DPF3: variants seen among roughly 807,000 people sequenced by gnomAD.
The protein encoded by DPF3 is double PHD fingers 3.
Under a neutral mutation model 56.8 loss-of-function variants are expected in DPF3, and 18 were observed. The observed-to-expected ratio is 0.32, with a 90% confidence interval of 0.22 to 0.47. DPF3 has a LOEUF of 0.47. DPF3 is among the 20% of genes least tolerant of loss of function. DPF3 has a pLI of 1.00. For missense variants in DPF3, 403 were observed against 488.8 expected (o/e 0.82, Z 1.65); for synonymous variants, 188 against 180.2 (o/e 1.04, Z -0.35).
At chr14:72,893,994 G>T in intron 1 of DPF3, 63 bp downstream of exon 1, 3 of 1,599,396 alleles carry the variant, frequency 1.9e-6, no homozygotes, top group Non-Finnish European at 2.6e-6. Context: ...TCGCCACGCA[G>T]AAGGCGCCTT....
intron 1 of DPF3, among the ~76,000 whole-genome samples, chr14:72,885,105 G>A (rs1322709261): frequency 1.4e-5 from 2 of 144,286 alleles, no homozygotes; most frequent in South Asian, 2.2e-4. Flanking sequence ...CAGCCTGGGC[G>A]ACAGAGCGAG....
At chr14:72,760,334 G>A (rs746145860) in intron 2 of DPF3, among the ~76,000 whole-genome samples, 1 of 152,126 alleles carries the variant, frequency 6.6e-6, no homozygotes, top group African/African-American at 2.4e-5. Flanking sequence ...AGCCAGGCAT[G>A]GTGGCGCATG....
intron 6 of DPF3, among the ~76,000 whole-genome samples, chr14:72,713,802 G>A (rs1421654321): frequency 1.3e-5 from 2 of 152,140 alleles, no homozygotes; most frequent in Non-Finnish European, 2.9e-5. Context: ...CTCCCCTCCC[G>A]TGGGCTCCCT....
chr14:72,665,453 G>C (rs1305867945), intron 8 of DPF3, among the ~76,000 whole-genome samples: 1 of 152,206 alleles, frequency 6.6e-6, no homozygotes, highest in African/African-American at 2.4e-5. Flanking sequence ...TGAGTCACCA[G>C]TAATGGGGTA....
At chr14:72,726,961 G>C (rs1039188068) in intron 4 of DPF3, among the ~76,000 whole-genome samples, 8 of 152,056 alleles carry the variant, frequency 5.3e-5, no homozygotes, top group Non-Finnish European at 1.0e-4. Flanking sequence ...TCTCCATGCA[G>C]CAGGCAACAG....
At chr14:72,845,247 G>A (rs554953925) in intron 1 of DPF3, among the ~76,000 whole-genome samples, 1 of 152,258 alleles carries the variant, frequency 6.6e-6, no homozygotes, top group South Asian at 2.1e-4. Context: ...GCCCCAGTTA[G>A]GAAACCATGA....
intron 3 of DPF3, among the ~76,000 whole-genome samples, chr14:72,741,279 A>G (rs1011096297): frequency 2.6e-4 from 40 of 152,306 alleles, no homozygotes; most frequent in Non-Finnish European, 5.3e-4. Flanking sequence ...CACGCCTCTC[A>G]GAATAACCCC....
chr14:72,781,610 C>G (rs1457095077), intron 1 of DPF3, among the ~76,000 whole-genome samples: 1 of 151,832 alleles, frequency 6.6e-6, no homozygotes, highest in African/African-American at 2.4e-5. Flanking sequence ...ACTGGGTGTT[C>G]TGATGACATA....
At chr14:72,662,952 A>C in intron 8 of DPF3, 1 of 671,298 alleles carries the variant, frequency 1.5e-6, no homozygotes, top group African/African-American at 2.0e-5. Flanking sequence ...AAAAAAAAAG[A>C]AGAAGAAAGA....
At chr14:72,842,218 A>G (rs1448874649) in intron 1 of DPF3, among the ~76,000 whole-genome samples, 1 of 152,068 alleles carries the variant, frequency 6.6e-6, no homozygotes, top group Non-Finnish European at 1.5e-5. Flanking sequence ...CGCCTGCCCC[A>G]TGACCCAGTA....
intron 9 of DPF3, among the ~76,000 whole-genome samples, chr14:72,623,809 G>T (rs1325202512): frequency 6.6e-6 from 1 of 152,158 alleles, no homozygotes; most frequent in South Asian, 2.1e-4. Context: ...AGCACCTCTA[G>T]CACCCATATT....
At chr14:72,815,368 T>C (rs951085172) in intron 1 of DPF3, among the ~76,000 whole-genome samples, 4 of 152,250 alleles carry the variant, frequency 2.6e-5, no homozygotes, top group Non-Finnish European at 4.4e-5. Context: ...TAACTACGAC[T>C]CTTACACACT....
At chr14:72,647,498 T>G (rs1885761562) in intron 8 of DPF3, among the ~76,000 whole-genome samples, 2 of 152,170 alleles carry the variant, frequency 1.3e-5, no homozygotes, top group South Asian at 4.1e-4. Context: ...ATATACTCTC[T>G]CCCCAAGATA....
At chr14:72,660,409 C>A (rs151300057) in intron 8 of DPF3, among the ~76,000 whole-genome samples, 301 of 152,282 alleles carry the variant, frequency 2.0e-3, no homozygotes, top group African/African-American at 7.1e-3. Context: ...CCACTGGGGG[C>A]CAGCAATGCT....
intron 2 of DPF3, among the ~76,000 whole-genome samples, chr14:72,755,415 G>T (rs1267116538): frequency 6.6e-6 from 1 of 152,102 alleles, no homozygotes; most frequent in Non-Finnish European, 1.5e-5. Flanking sequence ...GGCTGTTTTT[G>T]TTCCATTCTT....
Position 72,838,905 on chromosome 14 carries a change from A to ATATATATATATATATATTTT in DPF3, c.32+55151_32+55152insAAAATATATATATATATATA. ...ATCTATCATATATATTATCATATAT[A>ATATATATATATATATATTTT]TTCTTTTTTTTTTTTTTTTTTTTTT... is the stretch of plus-strand genomic sequence containing the variant. On this transcript the variant is annotated intron_variant, in intron 1 of 10. Coordinates refer to ENST00000556509, the MANE Select transcript of DPF3 (RefSeq NM_001280542.3). Among the ~76,000 whole-genome samples the ATATATATATATATATATTTT allele has an allele frequency of 3.1e-5, 2 of 64,480 alleles. 1 individual carries two copies. Among genetic ancestry groups the ATATATATATATATATATTTT allele is most frequent in the East Asian group, 2.4e-3 (2 of 822 alleles). The allele number at this position is 64,480 out of a possible 152,430, so 42.3% of individuals were successfully genotyped here. A position where few individuals can be genotyped will look rare whatever the true frequency, so the allele number is the denominator to read the frequency against.
chr14:72,755,004 C>T (rs1890732694), intron 2 of DPF3, among the ~76,000 whole-genome samples: 1 of 152,208 alleles, frequency 6.6e-6, no homozygotes, highest in Admixed American at 6.5e-5. Flanking sequence ...TTCCTGGCTC[C>T]AGGGGACTCA....
intron 1 of DPF3, among the ~76,000 whole-genome samples, chr14:72,858,394 CAG>C (rs78287789): frequency 0.23 from 34,341 of 151,580 alleles, 5,039 homozygotes; most frequent in Non-Finnish European, 0.31. Context: ...CCACAGGCTA[CAG>C]AGAGAGCAGG....
At chr14:72,804,686 T>TA (rs1893020501) in intron 1 of DPF3, among the ~76,000 whole-genome samples, 1 of 152,194 alleles carries the variant, frequency 6.6e-6, no homozygotes, top group Non-Finnish European at 1.5e-5. Context: ...AAAGTGCCAC[T>TA]GCTAGGGTAT....
Sources: gnomAD v4.1 joint callset for allele counts (sites outside exome capture counted in the v4.1 genomes callset) on GRCh38, gnomAD v4.1.1 for gene constraint, MANE v1.5 for transcripts, NCBI Gene and HGNC (gene_info 2026-07-23, HGNC 2026-07-21) for gene names.